The following FAAH2 variants were observed in gnomAD, a reference collection of about 807,000 sequenced individuals.
FAAH2 encodes the protein fatty-acid amide hydrolase 2.
Under a neutral mutation model 36.9 loss-of-function variants are expected in FAAH2, and 60 were observed. The ratio of observed to expected loss-of-function variants is 1.63; its 90% CI spans 1.32 to 2.02. The LOEUF (loss-of-function observed/expected upper bound fraction) is 2.02. FAAH2 is among the 30% of genes most tolerant of loss of function. The probability of loss-of-function intolerance (pLI) is 0.00; values close to 1 mark genes in which losing one functional copy is unlikely to be tolerated. For missense variants in FAAH2, 689 were observed against 397.5 expected, an observed-to-expected ratio of 1.73 and a Z score of -6.23; for synonymous variants, 214 against 143.8, an observed-to-expected ratio of 1.49 and a Z score of -3.49.
At chrX:57,124,031 G>T in the FAAH2 span, among the ~76,000 whole-genome samples, 60 of 111,301 alleles carry the variant, frequency 5.4e-4, no homozygotes, top group East Asian at 0.016. Context: ...GTCAATTTTG[G>T]CTTTTGTTGC....
Position 57,295,633 on chromosome X carries a change from G to A in FAAH2, c.275+3053G>A, listed in dbSNP as rs190200554. Among the ~76,000 whole-genome samples, 49 of 112,129 alleles carry A rather than the reference G, an allele frequency of 4.4e-4. No homozygotes were observed. The East Asian group carries it at 5.1e-3, about 12-fold the overall frequency. On this transcript the variant is annotated intron_variant, in intron 2 of 10. Coordinates refer to ENST00000374900, the MANE Select transcript of FAAH2 (RefSeq NM_174912.4). ...TGCAGGACAGTGGGTGCAGTGCACCGTGCATGAGCAGCAGCAGGGCGAGGC... is the reference window on the plus strand; with the variant it reads ...TGCAGGACAGTGGGTGCAGTGCACCATGCATGAGCAGCAGCAGGGCGAGGC...
chrX:57,155,797 G>A, the FAAH2 span, among the ~76,000 whole-genome samples: 10 of 112,048 alleles, frequency 8.9e-5, no homozygotes, highest in Non-Finnish European at 1.5e-4. Flanking sequence ...AAGGAACACT[G>A]TGAGACAAGT....
chrX:57,368,534 C>G (rs924625358), intron 5 of FAAH2, among the ~76,000 whole-genome samples: 11 of 111,770 alleles, frequency 9.8e-5, no homozygotes, highest in Admixed American at 2.8e-4. Context: ...CGTGAACTCC[C>G]TCTGCATGTG....
At chrX:57,403,709 A>T (rs1261846557) in intron 7 of FAAH2, among the ~76,000 whole-genome samples, 1 of 112,107 alleles carries the variant, frequency 8.9e-6, no homozygotes, top group Non-Finnish European at 1.9e-5. Context: ...CTTCTACAAG[A>T]GTTTCCCTCA....
At chrX:57,155,999 T>G in the FAAH2 span, among the ~76,000 whole-genome samples, 5 of 112,293 alleles carry the variant, frequency 4.5e-5, no homozygotes, top group Non-Finnish European at 9.4e-5. Context: ...TTTCTCACTT[T>G]CACAGTTTGG....
the FAAH2 span, among the ~76,000 whole-genome samples, chrX:57,182,972 G>C: frequency 1.8e-5 from 2 of 110,658 alleles, no homozygotes; most frequent in African/African-American, 6.6e-5. Context: ...GTTCCCATTT[G>C]TAAGTGGAAG....
the FAAH2 span, among the ~76,000 whole-genome samples, chrX:57,127,715 A>G: frequency 9.0e-6 from 1 of 110,599 alleles, no homozygotes; most frequent in South Asian, 3.8e-4. Context: ...TCTCTATCTC[A>G]TTTCCTTTTT....
chrX:57,375,290 A>G (rs1371872038), intron 5 of FAAH2, among the ~76,000 whole-genome samples: 1 of 107,744 alleles, frequency 9.3e-6, no homozygotes, highest in Non-Finnish European at 1.9e-5. Flanking sequence ...TAGCATCAAT[A>G]GGATTGGTAC....
chrX:57,163,033 G>T, the FAAH2 span, among the ~76,000 whole-genome samples: 4 of 111,871 alleles, frequency 3.6e-5, no homozygotes, highest in African/African-American at 1.3e-4. Flanking sequence ...GTACAGATGG[G>T]TTTTTGGTGT....
intron 3 of FAAH2, among the ~76,000 whole-genome samples, chrX:57,327,808 G>C (rs997880461): frequency 9.0e-6 from 1 of 111,585 alleles, no homozygotes; most frequent in Admixed American, 9.5e-5. Flanking sequence ...GCTTGCCGTA[G>C]TTTGATAATC....
At chrX:57,372,510 G>T (rs2054576733) in intron 5 of FAAH2, among the ~76,000 whole-genome samples, 1 of 109,695 alleles carries the variant, frequency 9.1e-6, no homozygotes, top group African/African-American at 3.3e-5. Context: ...TTTGTTTATT[G>T]CTTGTTTTTT....
chrX:57,399,140 G>A (rs748178361), intron 7 of FAAH2, among the ~76,000 whole-genome samples: 1 of 111,521 alleles, frequency 9.0e-6, no homozygotes, highest in Non-Finnish European at 1.9e-5. Flanking sequence ...TTCGATTCTG[G>A]AAGAGACAAA....
chrX:57,459,156 G>A (rs772858141), intron 10 of FAAH2, among the ~76,000 whole-genome samples: 35 of 112,364 alleles, frequency 3.1e-4, no homozygotes, highest in African/African-American at 8.1e-4. Context: ...AGGGGCATCC[G>A]CCATTACTGA....
chrX:57,431,948 G>T lies in FAAH2; in HGVS notation c.1027G>T (p.Ala343Ser), dbSNP rs895160462. The change falls in exon 8 of 11, where the codon GCC becomes TCC. Residue 343 changes from alanine (A) to serine (S), a missense_variant. Transcript: ENST00000374900. ...GGTTCACCTTGAAACTATTCTAGGAGCCTCAGTTCAACATGTTAAACTGAA... is the reference window on the plus strand; with the variant it reads ...GGTTCACCTTGAAACTATTCTAGGATCCTCAGTTCAACATGTTAAACTGAA... ...VVVHLETILG[A>S]SVQHVKLKKM... The T allele has an allele frequency of 5.0e-6, 6 of 1,201,980 alleles. No individual in the cohort carries two copies. Among genetic ancestry groups the T allele is most frequent in the African/African-American group, 3.5e-5 (2 of 56,939 alleles).
chrX:57,464,148 A>G (rs770849551), intron 10 of FAAH2, among the ~76,000 whole-genome samples: 10 of 111,911 alleles, frequency 8.9e-5, no homozygotes, highest in Non-Finnish European at 1.5e-4. Flanking sequence ...CAGCCAACTA[A>G]CACAGGAACA....
intron 10 of FAAH2, among the ~76,000 whole-genome samples, chrX:57,456,020 A>G (rs2056859688): frequency 8.9e-6 from 1 of 111,868 alleles, no homozygotes; most frequent in Admixed American, 9.5e-5. Flanking sequence ...ATCCATACAC[A>G]GAACATATTC....
chrX:57,350,678 G>T (rs998404937), intron 5 of FAAH2, among the ~76,000 whole-genome samples: 3 of 110,816 alleles, frequency 2.7e-5, no homozygotes, highest in Non-Finnish European at 5.7e-5. Flanking sequence ...CCTTCCAAAT[G>T]AACATCAAAA....
At chrX:57,321,897 C>A (rs1350592776) in intron 3 of FAAH2, among the ~76,000 whole-genome samples, 3 of 111,965 alleles carry the variant, frequency 2.7e-5, no homozygotes, top group Admixed American at 9.5e-5. Flanking sequence ...CCTATTATTT[C>A]CATATTTAGT....
intron 7 of FAAH2, chrX:57,394,818 T>C: frequency 3.7e-6 from 4 of 1,093,415 alleles, no homozygotes; most frequent in Non-Finnish European, 5.1e-6. Flanking sequence ...TCATCCAGAT[T>C]GGCAGTCTTG....
Sources: allele counts gnomAD v4.1 joint callset (sites outside exome capture counted in the v4.1 genomes callset), GRCh38; gene constraint gnomAD v4.1.1; transcripts MANE v1.5; gene names NCBI Gene and HGNC (gene_info 2026-07-23, HGNC 2026-07-21).